Variants in GATA4 observed in about 807,000 individuals in gnomAD.
GATA4 encodes transcription factor GATA-4.
GATA4 carries 7 observed loss-of-function variants against 37.9 expected under a neutral mutation model. That is an observed-to-expected ratio of 0.18 (90% CI 0.11 to 0.35). GATA4 has a LOEUF of 0.35. GATA4 is among the 10% of genes least tolerant of loss of function. The pLI is 1.00. For synonymous variants in GATA4, 372 were observed against 292.6 expected, an observed-to-expected ratio of 1.27 and a Z score of -2.77; for missense variants, 647 against 653.0, an observed-to-expected ratio of 0.99 and a Z score of 0.10.
At chr8:11,734,678 G>A (rs1240243878) in intron 2 of GATA4, among the ~76,000 whole-genome samples, 1 of 151,992 alleles carries the variant, frequency 6.6e-6, no homozygotes, top group Non-Finnish European at 1.5e-5. Context: ...GTAGAGATGG[G>A]GGGGTTTCAC....
At chr8:11,733,842 G>A (rs771843631) in intron 2 of GATA4, among the ~76,000 whole-genome samples, 1 of 152,202 alleles carries the variant, frequency 6.6e-6, no homozygotes, top group Non-Finnish European at 1.5e-5. Flanking sequence ...GCTTGGCTAT[G>A]AGACTTGCTT....
Position 11,707,723 on chromosome 8 carries a change from C to T in GATA4, c.-457-133C>T, listed in dbSNP as rs1449075258. On this transcript the variant is annotated intron_variant, in intron 1 of 6. Coordinates refer to ENST00000532059, the MANE Select transcript of GATA4 (RefSeq NM_001308093.3). This position sits in a 1 kb window ranked among gnomAD's most constrained non-coding sequence, Gnocchi z 4.7. Reference sequence around the variant, plus strand: ...CCCCTGCTTCCCGGCACCGCGCGGCCTCCGGAGCTGCACCCCCAAATCCCC... The same window carrying T: ...CCCCTGCTTCCCGGCACCGCGCGGCTTCCGGAGCTGCACCCCCAAATCCCC... 1.3e-5 allele frequency: 2 copies of T among 157,758 alleles called. No homozygotes were observed. Among genetic ancestry groups the T allele is most frequent in the African/African-American group, 2.4e-5 (1 of 41,478 alleles). 9.8% of individuals were successfully genotyped at this position (157,758 alleles called of 1,614,324 possible). A position where few individuals can be genotyped will look rare whatever the true frequency, so the allele number is the denominator to read the frequency against.
At chr8:11,705,429 G>A (rs893618271) in intron 1 of GATA4, among the ~76,000 whole-genome samples, 1 of 152,218 alleles carries the variant, frequency 6.6e-6, no homozygotes, top group African/African-American at 2.4e-5. Flanking sequence ...TCCTATAAAG[G>A]GACGGGGACT....
chr8:11,720,779 GT>G (rs529789610), intron 2 of GATA4, among the ~76,000 whole-genome samples: 37 of 149,536 alleles, frequency 2.5e-4, no homozygotes, highest in East Asian at 3.9e-4. Context: ...ACCTGATCTG[GT>G]TTTTTTTTTA....
intron 2 of GATA4, among the ~76,000 whole-genome samples, chr8:11,735,553 G>GTTTCTTTC (rs1314634684): frequency 6.6e-6 from 1 of 151,158 alleles, no homozygotes; most frequent in Non-Finnish European, 1.5e-5. Flanking sequence ...TTGTTTGTTT[G>GTTTCTTTC]TTTGTTTCTT....
chr8:11,700,993 C>G (rs1434421831), upstream of GATA4, among the ~76,000 whole-genome samples: 3 of 152,154 alleles, frequency 2.0e-5, no homozygotes, highest in Admixed American at 1.3e-4. Flanking sequence ...ACTGTGAATT[C>G]CAGCATCCAC....
At chr8:11,680,370 C>A (rs1442892369) in intron 1 of GATA4, 6 of 541,474 alleles carry the variant, frequency 1.1e-5, no homozygotes, top group Non-Finnish European at 1.4e-5. Flanking sequence ...AAGTAACTAA[C>A]CAGGCCCCTC....
Position 11,697,582 on chromosome 8 carries a change from A to G in GATA4, c.-728-2926A>G, listed in dbSNP as rs1799542815. 5 of 985,228 alleles carry G rather than the reference A, an allele frequency of 5.1e-6. No individual in the cohort carries two copies. The South Asian group carries it at 1.9e-4, about 37-fold the overall frequency. 61.0% of individuals were successfully genotyped at this position (985,228 alleles called of 1,614,324 possible). A position where few individuals can be genotyped will look rare whatever the true frequency, so the allele number is the denominator to read the frequency against. The stretch of plus-strand genomic sequence containing the variant: ...CGCCAGGGAAGCCTGGTCTGTCTGA[A>G]GGGGTCCTCGCCTGCGCCGAGGATG... On this transcript the variant is annotated intron_variant, in intron 1 of 2. Coordinates refer to the GATA4 transcript ENST00000526974.
intron 2 of GATA4, among the ~76,000 whole-genome samples, chr8:11,726,669 T>G (rs540992078): frequency 6.6e-6 from 1 of 152,024 alleles, no homozygotes; most frequent in Non-Finnish European, 1.5e-5. Flanking sequence ...AGAGCTGCCT[T>G]CTGATGCAGT....
intron 1 of GATA4, chr8:11,677,085 C>T (rs900980127): frequency 1.3e-5 from 2 of 152,976 alleles, no homozygotes; most frequent in African/African-American, 2.4e-5. Context: ...CCTGGCCCTC[C>T]TGGTGACCCC....
chr8:11,697,261 A>AC (rs1799534703), intron 1 of GATA4, among the ~76,000 whole-genome samples: 1 of 152,232 alleles, frequency 6.6e-6, no homozygotes, highest in Non-Finnish European at 1.5e-5. Flanking sequence ...CACGCACAGG[A>AC]CTAACGAGGG....
At chr8:11,752,623 C>A (rs1314411043) in intron 4 of GATA4, among the ~76,000 whole-genome samples, 6 of 152,138 alleles carry the variant, frequency 3.9e-5, no homozygotes, top group Admixed American at 2.0e-4. Context: ...CACAGCCAAA[C>A]CAAGTCAATA....
chr8:11,694,171 G>C (rs1799432669), intron 1 of GATA4, among the ~76,000 whole-genome samples: 1 of 152,120 alleles, frequency 6.6e-6, no homozygotes, highest in South Asian at 2.1e-4. Context: ...GTTCATCCTT[G>C]TATCTACAAG....
intron 5 of GATA4, among the ~76,000 whole-genome samples, chr8:11,755,476 G>C (rs1802511961): frequency 6.6e-6 from 1 of 152,208 alleles, no homozygotes; most frequent in Non-Finnish European, 1.5e-5. Context: ...CAAAAGCTCA[G>C]TTCCTTTCAA....
chr8:11,738,522 A>G (rs1801570037), intron 2 of GATA4, among the ~76,000 whole-genome samples: 1 of 152,224 alleles, frequency 6.6e-6, no homozygotes, highest in Admixed American at 6.5e-5. Context: ...GCCTTAATTG[A>G]ATTAACCAGT....
In GATA4 at chr8:11,707,985, ACG is replaced by A; in HGVS notation, c.-326_-325del. The A allele has an allele frequency of 2.6e-6, 1 of 378,996 alleles. No individual in the cohort carries two copies. The highest frequency in any genetic ancestry group is 3.7e-5 in the Admixed American group (1 of 26,798). The allele number at this position is 378,996 out of a possible 1,614,324, so 23.5% of individuals were successfully genotyped here. On this transcript the variant is annotated 5_prime_UTR_variant, in exon 2 of 7. Transcript: ENST00000532059. This position sits in a 1 kb window ranked among gnomAD's most constrained non-coding sequence, Gnocchi z 4.7. ...GCTCGTGCGCCACCTCCAGGCCTGG[ACG>A]CTGCCCTCCGTCTTCTGCCCCCAAT...
upstream of GATA4, among the ~76,000 whole-genome samples, chr8:11,689,067 C>T (rs1415370044): frequency 6.6e-6 from 1 of 152,156 alleles, no homozygotes; most frequent in African/African-American, 2.4e-5. Context: ...AAAGCAGCGG[C>T]AAATCCAATA....
intron 2 of GATA4, among the ~76,000 whole-genome samples, chr8:11,721,242 T>G (rs947866703): frequency 4.0e-5 from 6 of 150,820 alleles, no homozygotes; most frequent in African/African-American, 1.2e-4. Flanking sequence ...ACTTGTGGCA[T>G]CCTAAAGGAT....
upstream of GATA4, among the ~76,000 whole-genome samples, chr8:11,688,807 T>A (rs536527713): frequency 6.6e-6 from 1 of 152,242 alleles, no homozygotes; most frequent in Admixed American, 6.5e-5. Flanking sequence ...TGGCCCCAAT[T>A]AAGAACCTAA....
Sources: gnomAD v4.1 joint callset for allele counts (sites outside exome capture counted in the v4.1 genomes callset) on GRCh38, gnomAD v4.1.1 for gene constraint, Gnocchi (gnomAD v3.1) non-coding constraint, MANE v1.5 for transcripts, NCBI Gene and HGNC (gene_info 2026-07-23, HGNC 2026-07-21) for gene names.